The following ANXA7 variants were observed in gnomAD, a reference collection of about 807,000 sequenced individuals.
ANXA7 encodes annexin A7.
In ANXA7, 55 loss-of-function variants were observed where a neutral mutation model predicts 64.9. The observed-to-expected ratio is 0.85, with a 90% confidence interval of 0.68 to 1.06. The LOEUF is 1.06. Ranked by LOEUF, ANXA7 falls within the 50% of genes least tolerant of loss-of-function variation. ANXA7 has a pLI of 0.00. For missense variants in ANXA7, 548 were observed against 582.1 expected, an observed-to-expected ratio of 0.94 and a Z score of 0.60; for synonymous variants, 200 against 192.4, an observed-to-expected ratio of 1.04 and a Z score of -0.33.
chr10:73,383,282 G>A lies in ANXA7; in HGVS notation c.811C>T (p.Arg271Ter), dbSNP rs780170836. ...GACTGATAACATCTGACAATTTCTCGGATTTCCTGATTTGTTCTTGTGCAC... is the reference window on the plus strand; with the variant it reads ...GACTGATAACATCTGACAATTTCTCAGATTTCCTGATTTGTTCTTGTGCAC... ...ILCTRTNQEI[R>*]EIVRCYQSEF... The change falls in exon 9 of 13, where the codon CGA becomes TGA. Residue 271 changes from arginine (R) to a stop codon, truncating the protein, a stop_gained. Transcript: ENST00000372921. LOFTEE classifies it high-confidence loss of function. The A allele has an allele frequency of 1.4e-5, 23 of 1,613,944 alleles. No homozygotes were observed. The highest frequency in any genetic ancestry group is 3.3e-4 in the Middle Eastern group (2 of 6,058).
chr10:73,395,840 A>T (rs1026851152), intron 5 of ANXA7: 1 of 668,600 alleles, frequency 1.5e-6, no homozygotes, highest in African/African-American at 1.8e-5. Context: ...GACATATAGG[A>T]AACTCTGCAG....
intron 7 of ANXA7, among the ~76,000 whole-genome samples, chr10:73,385,573 AAC>A (rs1203878291): frequency 6.6e-6 from 1 of 152,232 alleles, no homozygotes; most frequent in Non-Finnish European, 1.5e-5. Flanking sequence ...AGGCTAGAAA[AAC>A]AGTGTTTTAC....
At chr10:73,383,800 A>G (rs1306137481) in intron 7 of ANXA7, 110 bp from the exon 8 acceptor site, 7 of 747,738 alleles carry the variant, frequency 9.4e-6, no homozygotes, top group Non-Finnish European at 1.6e-5. Flanking sequence ...AAAAACCTAA[A>G]TTTGAAAGCT....
At chr10:73,377,773 GGTGTGTGTGTGTGTGTGT>G (rs368036663) in intron 12 of ANXA7, among the ~76,000 whole-genome samples, 1 of 124,822 alleles carries the variant, frequency 8.0e-6, no homozygotes, top group African/African-American at 3.2e-5. Context: ...GGTGGGTGTG[GGTGTGTGTGTGTGTGTGT>G]GTGTGTGTGT....
At chr10:73,377,826 CGTGTGT>C (rs58404250) in intron 12 of ANXA7, among the ~76,000 whole-genome samples, 15 of 122,588 alleles carry the variant, frequency 1.2e-4, no homozygotes, top group Admixed American at 4.1e-4. Context: ...TAGGTTTCAC[CGTGTGT>C]GTGTGTGTGT....
chr10:73,405,234 C>CTCCA (rs2055735293), intron 1 of ANXA7, among the ~76,000 whole-genome samples: 1 of 142,434 alleles, frequency 7.0e-6, no homozygotes, highest in African/African-American at 2.6e-5. Flanking sequence ...CAGAGCAATA[C>CTCCA]TGTCTCAAAA....
At chr10:73,398,160 A>T in intron 3 of ANXA7, 21 bp downstream of exon 3, 1 of 1,597,484 alleles carries the variant, frequency 6.3e-7, no homozygotes, top group Non-Finnish European at 8.6e-7. Context: ...ATCATTACTA[A>T]TTCCGCAACC....
chr10:73,387,846 CTTTTTT>C (rs775570274), intron 6 of ANXA7, 63 bp from the exon 7 acceptor site: 744 of 550,544 alleles, frequency 1.4e-3, no homozygotes, highest in Non-Finnish European at 1.6e-3. Flanking sequence ...TTGAGGTCAT[CTTTTTT>C]TTTTTTTTTT....
chr10:73,407,588 C>A (rs2055778711), intron 1 of ANXA7, among the ~76,000 whole-genome samples: 1 of 152,208 alleles, frequency 6.6e-6, no homozygotes, highest in Non-Finnish European at 1.5e-5. Context: ...TATGTTTTGG[C>A]ACTTTTCATC....
intron 4 of ANXA7, among the ~76,000 whole-genome samples, 189 bp downstream of exon 4, chr10:73,396,975 A>T (rs971802634): frequency 1.3e-5 from 2 of 152,154 alleles, no homozygotes; most frequent in Non-Finnish European, 2.9e-5. Context: ...GTGTGACTTT[A>T]TCTCTATTTT....
intron 11 of ANXA7, 86 bp from the exon 12 acceptor site, chr10:73,379,109 CTTTGA>C (rs1305161084): frequency 4.6e-6 from 4 of 866,626 alleles, no homozygotes; most frequent in Non-Finnish European, 7.0e-6. Flanking sequence ...TATAGCCTGC[CTTTGA>C]TTATTTTCTC....
intron 1 of ANXA7, among the ~76,000 whole-genome samples, chr10:73,411,061 G>A (rs919056233): frequency 3.9e-5 from 6 of 152,192 alleles, no homozygotes; most frequent in African/African-American, 1.4e-4. Context: ...CCCATCAACT[G>A]AGTGGATAAA....
chr10:73,384,262 C>T (rs556776645), intron 7 of ANXA7, among the ~76,000 whole-genome samples: 1 of 152,146 alleles, frequency 6.6e-6, no homozygotes, highest in African/African-American at 2.4e-5. Flanking sequence ...TCCACTCTAC[C>T]AGGTACAAAA....
At chr10:73,387,615 A>G in intron 7 of ANXA7, 74 bp downstream of exon 7, 1 of 1,161,256 alleles carries the variant, frequency 8.6e-7, no homozygotes, top group South Asian at 1.2e-5. Flanking sequence ...TAATCAAAAT[A>G]TAGTATCCAA....
intron 7 of ANXA7, among the ~76,000 whole-genome samples, chr10:73,387,021 G>T (rs534060843): frequency 6.6e-6 from 1 of 152,170 alleles, no homozygotes; most frequent in African/African-American, 2.4e-5. Context: ...GAGAGAAGCA[G>T]AAGGCGATGC....
At position 73,383,805 on chromosome 10, in the gene ANXA7, A is replaced by C. The variant is rs762795021; in HGVS notation, c.634-115T>G. On this transcript the variant is annotated intron_variant, in intron 7 of 12. Coordinates refer to ENST00000372921, the MANE Select transcript of ANXA7 (RefSeq NM_001156.5). Reference sequence around the variant, plus strand: ...ATTGCTTTATAAAAACCTAAATTTGAAAGCTGAATGTTAATATACTAAGAA... The same window carrying C: ...ATTGCTTTATAAAAACCTAAATTTGCAAGCTGAATGTTAATATACTAAGAA... The C allele has an allele frequency of 1.1e-4, 80 of 725,798 alleles. 1 individual carries two copies. The highest frequency in any genetic ancestry group is 1.8e-4 in the Non-Finnish European group (76 of 424,490). The allele number at this position is 725,798 out of a possible 1,614,324, so 45.0% of individuals were successfully genotyped here. A position where few individuals can be genotyped will look rare whatever the true frequency, so the allele number is the denominator to read the frequency against.
At chr10:73,386,990 T>C (rs982033566) in intron 7 of ANXA7, among the ~76,000 whole-genome samples, 10 of 151,834 alleles carry the variant, frequency 6.6e-5, no homozygotes, top group Non-Finnish European at 1.0e-4. Flanking sequence ...AATTTTAACA[T>C]AGGACACGTT....
At chr10:73,399,840 AAAAC>A (rs1437942561) in intron 2 of ANXA7, among the ~76,000 whole-genome samples, 2 of 144,382 alleles carry the variant, frequency 1.4e-5, no homozygotes, top group Non-Finnish European at 3.0e-5. Context: ...AACAAAAACA[AAAAC>A]AAAAAACTGA....
intron 1 of ANXA7, among the ~76,000 whole-genome samples, chr10:73,407,791 G>A (rs1011518929): frequency 6.6e-6 from 1 of 152,174 alleles, no homozygotes; most frequent in African/African-American, 2.4e-5. Context: ...CAGGAACACA[G>A]GATAGAAGCT....
Sources: allele counts gnomAD v4.1 joint callset (sites outside exome capture counted in the v4.1 genomes callset), GRCh38; gene constraint gnomAD v4.1.1; transcripts MANE v1.5; gene names NCBI Gene and HGNC (gene_info 2026-07-23, HGNC 2026-07-21).